CMKLR1: variants seen among roughly 807,000 people sequenced by gnomAD.
The protein encoded by CMKLR1 is chemerin-like receptor 1.
Under a neutral mutation model 8.2 loss-of-function variants are expected in CMKLR1, and 6 were observed. That is an observed-to-expected ratio of 0.73 (90% confidence interval 0.40 to 1.44). The LOEUF is 1.44. CMKLR1 is among the 40% of genes most tolerant of loss of function. CMKLR1 has a pLI of 0.02. For synonymous variants in CMKLR1, 178 were observed against 181.2 expected (o/e 0.98, Z 0.14); for missense variants, 429 against 478.0 (o/e 0.90, Z 0.96).
chr12:108,324,171 G>GA (rs1370105804), intron 2 of CMKLR1, among the ~76,000 whole-genome samples: 2 of 152,214 alleles, frequency 1.3e-5, no homozygotes, highest in Non-Finnish European at 2.9e-5. Context: ...TTTTCTGGGA[G>GA]CTGCATGTGA....
rs572718241 is a variant in CMKLR1, at chr12:108,293,459, A to G, written c.3+130T>C. 3 of 883,568 alleles carry G rather than the reference A, an allele frequency of 3.4e-6. No individual in the cohort carries two copies. The South Asian group carries it at 4.5e-5, about 13-fold the overall frequency. 54.7% of individuals were successfully genotyped at this position (883,568 alleles called of 1,614,324 possible). Reference sequence around the variant, plus strand: ...GCTAAGTGCAATGAAGAAGAGGTACATGGTGCTGTGAACTTGATTCCAACA... The same window carrying G: ...GCTAAGTGCAATGAAGAAGAGGTACGTGGTGCTGTGAACTTGATTCCAACA... On this transcript the variant is annotated intron_variant, in intron 3 of 3. Coordinates refer to ENST00000550402, the MANE Select transcript of CMKLR1 (RefSeq NM_001142343.2).
At chr12:108,300,282 G>T (rs955252491) in intron 2 of CMKLR1, among the ~76,000 whole-genome samples, 1 of 152,160 alleles carries the variant, frequency 6.6e-6, no homozygotes, top group Non-Finnish European at 1.5e-5. Context: ...AACCTTGGGG[G>T]TTAGTGCTTA....
chr12:108,323,045 A>G (rs1191988840), intron 2 of CMKLR1, among the ~76,000 whole-genome samples: 1 of 152,110 alleles, frequency 6.6e-6, no homozygotes, highest in African/African-American at 2.4e-5. Context: ...TCCCCCACTG[A>G]GCTCAAAGAA....
At chr12:108,296,501 T>C (rs1891139642) in intron 2 of CMKLR1, among the ~76,000 whole-genome samples, 1 of 152,128 alleles carries the variant, frequency 6.6e-6, no homozygotes, top group Non-Finnish European at 1.5e-5. Context: ...GCCACTTGTC[T>C]CTCCAGCTGT....
chr12:108,289,066 C>T lies in CMKLR1; in HGVS notation c.*2775G>A, dbSNP rs767837447. On this transcript the variant is annotated 3_prime_UTR_variant, in exon 4 of 4. Transcript: ENST00000550402. ...TCATGAATGCCAGATCCCTTTCCTT[C>T]ATCATCATGCTCTGGGACCTTTCTG... The T allele has an allele frequency of 6.6e-6, 1 of 151,998 alleles. No individual in the cohort carries two copies. Among genetic ancestry groups the T allele is most frequent in the East Asian group, 1.9e-4 (1 of 5,168 alleles). The allele number at this position is 151,998 out of a possible 1,614,324, so 9.4% of individuals were successfully genotyped here. A position where few individuals can be genotyped will look rare whatever the true frequency, so the allele number is the denominator to read the frequency against.
chr12:108,334,359 A>G (rs1892173536), intron 1 of CMKLR1, among the ~76,000 whole-genome samples: 1 of 152,242 alleles, frequency 6.6e-6, no homozygotes, highest in Admixed American at 6.5e-5. Context: ...CACACAGGAA[A>G]GTGCTCCCAG....
intron 2 of CMKLR1, among the ~76,000 whole-genome samples, chr12:108,296,592 G>A (rs1442770742): frequency 6.6e-6 from 1 of 152,194 alleles, no homozygotes; most frequent in Non-Finnish European, 1.5e-5. Context: ...TCAGGTGGCT[G>A]AGGTGGGAGG....
chr12:108,299,145 C>T (rs1285706575), intron 2 of CMKLR1, among the ~76,000 whole-genome samples: 1 of 152,220 alleles, frequency 6.6e-6, no homozygotes, highest in Non-Finnish European at 1.5e-5. Flanking sequence ...GTCTGGAGAA[C>T]ACTTTGGGCT....
intron 2 of CMKLR1, among the ~76,000 whole-genome samples, chr12:108,305,760 A>G (rs987655076): frequency 6.6e-6 from 1 of 152,172 alleles, no homozygotes; most frequent in Admixed American, 6.5e-5. Context: ...CACATGTGGG[A>G]GCTCGCACTG....
intron 2 of CMKLR1, among the ~76,000 whole-genome samples, chr12:108,322,771 T>C (rs1221511306): frequency 1.3e-5 from 2 of 152,200 alleles, no homozygotes; most frequent in African/African-American, 4.8e-5. Flanking sequence ...GCTGATTCCA[T>C]GCTGTTTGTG....
At chr12:108,329,959 A>G (rs1300056277) in intron 2 of CMKLR1, 36 bp downstream of exon 2, 1 of 152,146 alleles carries the variant, frequency 6.6e-6, no homozygotes, top group Non-Finnish European at 1.5e-5. Context: ...GTCTTTAAAG[A>G]TAGACTCTAA....
chr12:108,315,086 C>T lies in CMKLR1; in HGVS notation c.-74+14909G>A, dbSNP rs551988136. 3.2e-3 allele frequency among the ~76,000 whole-genome samples: 483 copies of T among 151,974 alleles called. 2 individuals are homozygous for T. The highest frequency in any genetic ancestry group is 0.011 in the African/African-American group (457 of 41,394). ...CCAAGTAGCTGAGATTACAGGCATG[C>T]GCCACCACACCTGGCTGATTTTGTA... On this transcript the variant is annotated intron_variant, in intron 2 of 3. Coordinates refer to ENST00000550402, the MANE Select transcript of CMKLR1 (RefSeq NM_001142343.2).
At chr12:108,317,103 T>C (rs921671453) in intron 2 of CMKLR1, among the ~76,000 whole-genome samples, 1 of 152,178 alleles carries the variant, frequency 6.6e-6, no homozygotes, top group African/African-American at 2.4e-5. Flanking sequence ...GTACCCAGCC[T>C]CAATGTCATT....
intron 2 of CMKLR1, among the ~76,000 whole-genome samples, chr12:108,311,765 A>C (rs890914034): frequency 1.3e-5 from 2 of 152,172 alleles, no homozygotes; most frequent in South Asian, 4.1e-4. Flanking sequence ...CCCTTGGACA[A>C]CCCAAGTGAA....
intron 2 of CMKLR1, among the ~76,000 whole-genome samples, chr12:108,299,788 C>T (rs1481839961): frequency 6.6e-6 from 1 of 152,158 alleles, no homozygotes; most frequent in Non-Finnish European, 1.5e-5. Context: ...GAAGTATCCT[C>T]CCCTGGAGCC....
chr12:108,292,085 A>G lies in CMKLR1; in HGVS notation c.878T>C (p.Val293Ala), dbSNP rs1469791673. 1.9e-6 allele frequency: 3 copies of G among 1,614,214 alleles called. No individual in the cohort carries two copies. Among genetic ancestry groups the G allele is most frequent in the South Asian group, 1.1e-5 (1 of 91,082 alleles). Residue 293 changes from valine (V) to alanine (A), a missense_variant, in exon 4 of 4, where the codon GTC (valine) becomes GCC (alanine). Coordinates refer to ENST00000550402, the MANE Select transcript of CMKLR1 (RefSeq NM_001142343.2). ...GGCCAGGGGCAAACCCAGGCTGAAG[A>G]CAGAGCCAGGCATGGCAGTGTGGTG... is the stretch of plus-strand genomic sequence containing the variant. ...ELHHTAMPGS[V>A]FSLGLPLATA...
chr12:108,308,989 T>G (rs1452696529), intron 2 of CMKLR1, among the ~76,000 whole-genome samples: 1 of 152,050 alleles, frequency 6.6e-6, no homozygotes, highest in Non-Finnish European at 1.5e-5. Context: ...GACAAACACA[T>G]CTGGAGCCAG....
intron 2 of CMKLR1, among the ~76,000 whole-genome samples, chr12:108,303,430 C>T (rs1891329581): frequency 6.6e-6 from 1 of 152,260 alleles, no homozygotes; most frequent in Non-Finnish European, 1.5e-5. Flanking sequence ...AATACACGTA[C>T]AGTCCTCACT....
At chr12:108,334,361 T>C (rs1260205067) in intron 1 of CMKLR1, among the ~76,000 whole-genome samples, 1 of 152,250 alleles carries the variant, frequency 6.6e-6, no homozygotes, top group African/African-American at 2.4e-5. Context: ...CACAGGAAAG[T>C]GCTCCCAGGC....
Sources: gnomAD v4.1 joint callset for allele counts (sites outside exome capture counted in the v4.1 genomes callset) on GRCh38, gnomAD v4.1.1 for gene constraint, MANE v1.5 for transcripts, NCBI Gene and HGNC (gene_info 2026-07-23, HGNC 2026-07-21) for gene names.